LDLRAD4: variants seen among roughly 807,000 people sequenced by gnomAD.
LDLRAD4 encodes low density lipoprotein receptor class A domain containing 4.
In LDLRAD4, 5 loss-of-function variants were observed where a neutral mutation model predicts 17.0. The ratio of observed to expected loss-of-function variants is 0.29; its 90% CI spans 0.15 to 0.62. The LOEUF is 0.62. LDLRAD4 is among the 20% of genes least tolerant of loss of function. The probability of loss-of-function intolerance (pLI) is 0.84; values close to 1 mark genes in which losing one functional copy is unlikely to be tolerated. For missense variants in LDLRAD4, 340 were observed against 424.7 expected (o/e 0.80, Z 1.75); for synonymous variants, 168 against 171.8 (o/e 0.98, Z 0.17).
intron 1 of LDLRAD4, among the ~76,000 whole-genome samples, chr18:13,322,176 C>A (rs765968682): frequency 1.1e-4 from 16 of 150,998 alleles, no homozygotes; most frequent in Non-Finnish European, 2.1e-4. Context: ...GAAAAATTGT[C>A]TACATTATCC....
chr18:13,314,435 T>C (rs1271924754), intron 1 of LDLRAD4, among the ~76,000 whole-genome samples: 1 of 152,230 alleles, frequency 6.6e-6, no homozygotes, highest in Non-Finnish European at 1.5e-5. Context: ...TGGCTGCATG[T>C]ACAGGCACAC....
intron 2 of LDLRAD4, among the ~76,000 whole-genome samples, chr18:13,430,323 T>C (rs2090245092): frequency 6.6e-6 from 1 of 152,242 alleles, no homozygotes; most frequent in Non-Finnish European, 1.5e-5. Context: ...TTGATGCTGC[T>C]TTCTCTGCAG....
chr18:13,383,336 C>T (rs1014543920), intron 1 of LDLRAD4, among the ~76,000 whole-genome samples: 17 of 152,160 alleles, frequency 1.1e-4, no homozygotes, highest in African/African-American at 3.6e-4. Flanking sequence ...GTGGGGGAGA[C>T]GGGCAGGCAT....
At chr18:13,251,519 G>A (rs1362554956) in intron 1 of LDLRAD4, among the ~76,000 whole-genome samples, 1 of 152,188 alleles carries the variant, frequency 6.6e-6, no homozygotes, top group Non-Finnish European at 1.5e-5. Context: ...AATGAATTCA[G>A]TAAAGTTGCA....
intron 3 of LDLRAD4, among the ~76,000 whole-genome samples, chr18:13,604,431 G>C (rs746206456): frequency 6.6e-6 from 1 of 152,196 alleles, no homozygotes; most frequent in Non-Finnish European, 1.5e-5. Flanking sequence ...CATATACTGC[G>C]TGTGTGCAAG....
chr18:13,374,332 G>C (rs2084741673), intron 1 of LDLRAD4, among the ~76,000 whole-genome samples: 1 of 152,210 alleles, frequency 6.6e-6, no homozygotes, highest in Non-Finnish European at 1.5e-5. Context: ...GCTGCCGATG[G>C]GAGCAAGCTC....
chr18:13,544,377 C>G lies in LDLRAD4; in HGVS notation c.182-76740C>G, dbSNP rs74912153. On this transcript the variant is annotated intron_variant, in intron 3 of 5. Transcript: ENST00000359446. ...AGACGCTGTGCTTTCCTCCCCACCT[C>G]CTGGGCAGGGAAAATATTTGAAGCT... Among the ~76,000 whole-genome samples the G allele has an allele frequency of 8.9e-3, 1,353 of 152,348 alleles. 22 individuals are homozygous for G. The highest frequency in any genetic ancestry group is 0.031 in the African/African-American group (1,300 of 41,570).
At chr18:13,444,372 A>G (rs1275015394) in intron 3 of LDLRAD4, among the ~76,000 whole-genome samples, 2 of 152,264 alleles carry the variant, frequency 1.3e-5, no homozygotes, top group East Asian at 1.9e-4. Flanking sequence ...CTTCCTTATG[A>G]TCTTTCTTAA....
Position 13,425,514 on chromosome 18 carries a change from TC to T in LDLRAD4, c.41-12728del, listed in dbSNP as rs376943634. Among the ~76,000 whole-genome samples, 531 of 152,234 alleles carry T rather than the reference TC, an allele frequency of 3.5e-3. 7 individuals are homozygous for T. Among genetic ancestry groups the T allele is most frequent in the African/African-American group, 0.012 (507 of 41,532 alleles). On this transcript the variant is annotated intron_variant, in intron 2 of 5. Transcript: ENST00000359446. ...TCAGCTGTCAGCCTACTGGGGCACT[TC>T]CTCCCTCCAGGAAGGTGGAGGAATA...
At chr18:13,477,481 C>T (rs974536263) in intron 3 of LDLRAD4, among the ~76,000 whole-genome samples, 2 of 152,186 alleles carry the variant, frequency 1.3e-5, no homozygotes, top group African/African-American at 4.8e-5. Context: ...CATTTCTCTT[C>T]AGTACTGGCA....
chr18:13,312,077 C>T (rs371360299), intron 1 of LDLRAD4, among the ~76,000 whole-genome samples: 12 of 152,132 alleles, frequency 7.9e-5, no homozygotes, highest in East Asian at 1.9e-4. Flanking sequence ...CCTCAAGATC[C>T]GCCCGCCTCG....
At chr18:13,250,616 TA>T (rs982556635) in intron 1 of LDLRAD4, among the ~76,000 whole-genome samples, 1 of 152,096 alleles carries the variant, frequency 6.6e-6, no homozygotes, top group African/African-American at 2.4e-5. Context: ...TACATGCCAC[TA>T]AAGTAAAAAA....
intron 3 of LDLRAD4, among the ~76,000 whole-genome samples, chr18:13,516,523 ATG>A (rs1437523447): frequency 1.3e-5 from 2 of 152,152 alleles, no homozygotes; most frequent in African/African-American, 4.8e-5. Flanking sequence ...TCCTTCACAA[ATG>A]TGTGTACATC....
intron 3 of LDLRAD4, among the ~76,000 whole-genome samples, chr18:13,510,897 G>A (rs1435347442): frequency 6.6e-6 from 1 of 152,148 alleles, no homozygotes; most frequent in Non-Finnish European, 1.5e-5. Context: ...GAGTGAGAGG[G>A]AAACTTCAAC....
intron 3 of LDLRAD4, among the ~76,000 whole-genome samples, chr18:13,576,370 C>T (rs572817868): frequency 2.7e-5 from 4 of 145,726 alleles, no homozygotes; most frequent in Non-Finnish European, 3.0e-5. Flanking sequence ...TGCAGTGAGC[C>T]GAGATTGTGC....
At chr18:13,402,040 A>G (rs1415536234) in intron 2 of LDLRAD4, among the ~76,000 whole-genome samples, 2 of 152,222 alleles carry the variant, frequency 1.3e-5, no homozygotes, top group East Asian at 1.9e-4. Flanking sequence ...TCGCTCTTTC[A>G]TCTGCCATAC....
At chr18:13,247,415 T>C (rs1598884232) in intron 1 of LDLRAD4, among the ~76,000 whole-genome samples, 2 of 152,268 alleles carry the variant, frequency 1.3e-5, no homozygotes, top group South Asian at 4.1e-4. Context: ...TTTCACTAGT[T>C]GTTCTACCAA....
chr18:13,333,879 CTG>C (rs557537635), intron 1 of LDLRAD4, among the ~76,000 whole-genome samples: 218 of 152,332 alleles, frequency 1.4e-3, no homozygotes, highest in African/African-American at 4.7e-3. Context: ...GTGTTGGCTA[CTG>C]TGAGTGTTTT....
chr18:13,462,555 T>G (rs1028976396), intron 3 of LDLRAD4, among the ~76,000 whole-genome samples: 1 of 152,196 alleles, frequency 6.6e-6, no homozygotes, highest in Non-Finnish European at 1.5e-5. Context: ...TTGGAACTAA[T>G]TTTTTTGGAT....
Sources: gnomAD v4.1 joint callset for allele counts (sites outside exome capture counted in the v4.1 genomes callset) on GRCh38, gnomAD v4.1.1 for gene constraint, MANE v1.5 for transcripts, NCBI Gene and HGNC (gene_info 2026-07-23, HGNC 2026-07-21) for gene names.